ADGRG6: variants seen among roughly 807,000 people sequenced by gnomAD.
The protein encoded by ADGRG6 is G-protein coupled receptor 126.
A neutral mutation model predicts 142.4 loss-of-function variants in ADGRG6; 84 were observed. The ratio of observed to expected loss-of-function variants is 0.59; its 90% CI spans 0.49 to 0.71. The LOEUF (loss-of-function observed/expected upper bound fraction) is 0.71, where lower values mean the gene tolerates loss of function less well. Ranked by LOEUF, ADGRG6 falls within the 30% of genes least tolerant of loss-of-function variation. The probability of loss-of-function intolerance (pLI) is 0.00; values close to 1 mark genes in which losing one functional copy is unlikely to be tolerated. For synonymous variants in ADGRG6, 521 were observed against 520.5 expected, an observed-to-expected ratio of 1.00 and a Z score of -0.01; for missense variants, 1,367 against 1,466.6, an observed-to-expected ratio of 0.93 and a Z score of 1.11.
intron 2 of ADGRG6, among the ~76,000 whole-genome samples, chr6:142,337,057 G>A (rs1779352922): frequency 6.6e-6 from 1 of 152,188 alleles, no homozygotes; most frequent in African/African-American, 2.4e-5. Flanking sequence ...CCACCACTAG[G>A]TGCTTCAACA....
At chr6:142,305,759 C>T (rs2114488528) in intron 1 of ADGRG6, among the ~76,000 whole-genome samples, 1 of 152,180 alleles carries the variant, frequency 6.6e-6, no homozygotes, top group East Asian at 1.9e-4. Context: ...GAGTTTTACT[C>T]TCACCTCTAG....
intron 2 of ADGRG6, among the ~76,000 whole-genome samples, chr6:142,341,036 A>G (rs1006134730): frequency 6.6e-6 from 1 of 151,980 alleles, no homozygotes; most frequent in Non-Finnish European, 1.5e-5. Context: ...TTTTTTAATT[A>G]AAAGGATTGT....
chr6:142,354,772 C>T (rs754748427), intron 2 of ADGRG6, among the ~76,000 whole-genome samples: 8 of 152,134 alleles, frequency 5.3e-5, no homozygotes, highest in Non-Finnish European at 1.0e-4. Flanking sequence ...AACATTAATT[C>T]CCAAGCAAAT....
At chr6:142,318,219 A>ATATAT (rs1554230774) in intron 2 of ADGRG6, among the ~76,000 whole-genome samples, 1 of 38,866 alleles carries the variant, frequency 2.6e-5, no homozygotes, top group African/African-American at 9.6e-5. Flanking sequence ...TTTATATATT[A>ATATAT]TATATATTTA....
intron 10 of ADGRG6, among the ~76,000 whole-genome samples, chr6:142,398,540 GT>G (rs1323551226): frequency 1.3e-5 from 2 of 152,148 alleles, no homozygotes; most frequent in Non-Finnish European, 2.9e-5. Flanking sequence ...CTAAAATCAA[GT>G]TTCTCCTGGA....
intron 22 of ADGRG6, among the ~76,000 whole-genome samples, chr6:142,426,636 C>T (rs1776961122): frequency 6.6e-6 from 1 of 152,204 alleles, no homozygotes. Context: ...AGATGGCACC[C>T]CAGTAGGGAC....
At chr6:142,311,001 A>G (rs112177869) in intron 2 of ADGRG6, among the ~76,000 whole-genome samples, 2,938 of 152,006 alleles carry the variant, frequency 0.019, 97 homozygotes, top group African/African-American at 0.067. Flanking sequence ...AGGCTTCTTG[A>G]GACCACGGCA....
Position 142,416,019 on chromosome 6 carries a change from A to G in ADGRG6, c.2893A>G (p.Thr965Ala), listed in dbSNP as rs889317406. ...MYIALVKVFN[T>A]YIRRYILKFC... The stretch of plus-strand genomic sequence containing the variant: ...CATTGCTCTAGTTAAAGTATTTAAC[A>G]CTTACATTCGCCGATACATTCTAAA... The change falls in exon 20 of 25, where the codon ACT becomes GCT. Residue 965 changes from threonine (T) to alanine (A), a missense_variant. Thr to Ala is a moderately conservative substitution (Grantham distance 58). This residue lies in a region of ADGRG6 where 344 missense variants were observed against 348.7 expected (regional missense o/e 0.99). Transcript: ENST00000367609. The G allele has an allele frequency of 6.2e-7, 1 of 1,611,700 alleles. No homozygotes were observed. Among genetic ancestry groups the G allele is most frequent in the Non-Finnish European group, 8.5e-7 (1 of 1,177,974 alleles).
intron 15 of ADGRG6, among the ~76,000 whole-genome samples, chr6:142,407,170 TAAA>T (rs11414768): frequency 9.9e-5 from 12 of 120,996 alleles, no homozygotes; most frequent in African/African-American, 2.3e-4. Context: ...CCCGTCTCTT[TAAA>T]AAAAAAAAAA....
chr6:142,361,126 G>C (rs1431068447), intron 2 of ADGRG6, among the ~76,000 whole-genome samples: 1 of 152,146 alleles, frequency 6.6e-6, no homozygotes, highest in Non-Finnish European at 1.5e-5. Flanking sequence ...CAAAGCCTGT[G>C]GTTTGGTTCC....
intron 15 of ADGRG6, among the ~76,000 whole-genome samples, 192 bp downstream of exon 15, chr6:142,406,020 A>G (rs1018155639): frequency 6.6e-6 from 1 of 152,190 alleles, no homozygotes; most frequent in Admixed American, 6.5e-5. Context: ...AACAAGTTGT[A>G]TGTACTTCAA....
chr6:142,336,770 A>G (rs897921844), intron 2 of ADGRG6, among the ~76,000 whole-genome samples: 3 of 152,228 alleles, frequency 2.0e-5, no homozygotes, highest in Non-Finnish European at 4.4e-5. Context: ...TATTGTCACT[A>G]TGCAGATGAG....
chr6:142,427,504 T>C (rs1284321187), intron 22 of ADGRG6, among the ~76,000 whole-genome samples: 2 of 152,186 alleles, frequency 1.3e-5, no homozygotes, highest in Non-Finnish European at 2.9e-5. Flanking sequence ...TTTCAAACTT[T>C]CCTACATTTT....
intron 6 of ADGRG6, among the ~76,000 whole-genome samples, chr6:142,386,183 T>G (rs1782009029): frequency 6.6e-6 from 1 of 152,184 alleles, no homozygotes. Context: ...TTTTGTTGTT[T>G]GCAATAGGAC....
intron 2 of ADGRG6, among the ~76,000 whole-genome samples, chr6:142,331,499 C>G (rs542646072): frequency 6.6e-6 from 1 of 152,172 alleles, no homozygotes; most frequent in Non-Finnish European, 1.5e-5. Context: ...CAGTGGGAAC[C>G]CAGCAATGAC....
At chr6:142,392,881 AGAAACTT>A in intron 7 of ADGRG6, 60 bp from the exon 8 acceptor site, 1 of 1,036,232 alleles carries the variant, frequency 9.7e-7, no homozygotes. Flanking sequence ...TGTTTTAGGT[AGAAACTT>A]GAATTAGATA....
rs1777249374 is a variant in ADGRG6 at position 142,302,142 on chromosome 6, C to T, written c.-188C>T. 5 of 603,944 alleles carry T rather than the reference C, an allele frequency of 8.3e-6. No homozygotes were observed. Among genetic ancestry groups the T allele is most frequent in the Non-Finnish European group, 1.4e-5 (5 of 350,130 alleles). 37.4% of individuals were successfully genotyped at this position (603,944 alleles called of 1,614,324 possible). A position where few individuals can be genotyped will look rare whatever the true frequency, so the allele number is the denominator to read the frequency against. On this transcript the variant is annotated 5_prime_UTR_variant, in exon 1 of 25. Coordinates refer to ENST00000367609, the MANE Select transcript of ADGRG6 (RefSeq NM_198569.3). ...GCAGGCCCTGCGCTGAACGCTGCCG[C>T]GCCCAGGGTTCACCTTGCGCCGTCG...
rs1006287001 is a variant in ADGRG6 at position 142,350,788 on chromosome 6, C to T, written c.104-16781C>T. Among the ~76,000 whole-genome samples the T allele has an allele frequency of 1.4e-4, 21 of 152,314 alleles. No individual in the cohort carries two copies. In the South Asian group the frequency reaches 3.9e-3, roughly 29 times the overall value. Reference sequence around the variant, plus strand: ...TTCTTGATTATTAAAAAACAATTATCTCTTATGGTCATACTGACCAAAAGC... The same window carrying T: ...TTCTTGATTATTAAAAAACAATTATTTCTTATGGTCATACTGACCAAAAGC... On this transcript the variant is annotated intron_variant, in intron 2 of 24. Transcript: ENST00000367609.
intron 6 of ADGRG6, among the ~76,000 whole-genome samples, chr6:142,388,567 A>G (rs1398396643): frequency 1.3e-5 from 2 of 152,104 alleles, no homozygotes; most frequent in East Asian, 3.9e-4. Context: ...CTTGCTGAAC[A>G]TCATAGCTTG....
Sources: gnomAD v4.1 joint callset for allele counts (sites outside exome capture counted in the v4.1 genomes callset) on GRCh38, gnomAD v4.1.1 for gene constraint, gnomAD v4.1.1 regional missense constraint, MANE v1.5 for transcripts, NCBI Gene and HGNC (gene_info 2026-07-23, HGNC 2026-07-21) for gene names.